The following ADK variants were observed in gnomAD, a reference collection of about 807,000 sequenced individuals.
ADK encodes the protein adenosine kinase.
In ADK, 24 loss-of-function variants were observed where a neutral mutation model predicts 44.7. The ratio of observed to expected loss-of-function variants is 0.54; its 90% confidence interval spans 0.39 to 0.76. ADK has a LOEUF of 0.76. Ranked by LOEUF, ADK falls within the 30% of genes least tolerant of loss-of-function variation. The pLI, the probability that ADK is intolerant of heterozygous loss-of-function variation, is 0.00. For missense variants in ADK, 321 were observed against 425.1 expected, an observed-to-expected ratio of 0.76 and a Z score of 2.15; for synonymous variants, 128 against 142.6, an observed-to-expected ratio of 0.90 and a Z score of 0.73.
chr10:74,292,659 A>G (rs1329328186), intron 3 of ADK, among the ~76,000 whole-genome samples: 2 of 152,016 alleles, frequency 1.3e-5, no homozygotes, highest in Admixed American at 1.3e-4. Flanking sequence ...AAAACCTGAG[A>G]CTCATTCTTG....
rs554643435 is a variant in ADK, at chr10:74,209,617, ATTT to A, written c.140+8790_140+8792del. On this transcript the variant is annotated intron_variant, in intron 2 of 10. Coordinates refer to ENST00000539909, the MANE Select transcript of ADK (RefSeq NM_006721.4). ...TTGATAAAATATTTTTCTGATTCTG[ATTT>A]TTTTTTTTTTAGAGACAAGTTTTTC... 5.0e-3 allele frequency among the ~76,000 whole-genome samples: 734 copies of A among 145,506 alleles called. 6 individuals are homozygous for A. The highest frequency in any genetic ancestry group is 0.016 in the African/African-American group (652 of 39,932).
intron 8 of ADK, among the ~76,000 whole-genome samples, chr10:74,595,472 G>A (rs1288768765): frequency 7.5e-6 from 1 of 133,472 alleles, no homozygotes; most frequent in East Asian, 2.4e-4. Flanking sequence ...CGCCTCCCGG[G>A]TTCACTCCAT....
intron 1 of ADK, among the ~76,000 whole-genome samples, chr10:74,183,311 C>G (rs1471404402): frequency 6.6e-6 from 1 of 152,116 alleles, no homozygotes. Context: ...GTGGCACATG[C>G]CTATAATCTC....
intron 7 of ADK, among the ~76,000 whole-genome samples, chr10:74,571,621 G>C (rs925825409): frequency 3.9e-5 from 6 of 152,142 alleles, no homozygotes; most frequent in African/African-American, 1.4e-4. Flanking sequence ...ATTTCTGTGG[G>C]ATCGGTGGTG....
At chr10:74,276,634 G>A (rs965554637) in intron 3 of ADK, among the ~76,000 whole-genome samples, 3 of 152,216 alleles carry the variant, frequency 2.0e-5, no homozygotes, top group Non-Finnish European at 4.4e-5. Flanking sequence ...CCTTTCTGGA[G>A]GCTCTAGGGG....
At chr10:74,171,796 C>CTCTCTCTG (rs1331173049) in intron 1 of ADK, among the ~76,000 whole-genome samples, 217 of 142,770 alleles carry the variant, frequency 1.5e-3, no homozygotes, top group Admixed American at 3.6e-3. Context: ...CTCTTTCTGT[C>CTCTCTCTG]TCTCTCTGTC....
At chr10:74,606,675 T>C (rs1367745509) in intron 9 of ADK, among the ~76,000 whole-genome samples, 2 of 152,200 alleles carry the variant, frequency 1.3e-5, no homozygotes, top group African/African-American at 4.8e-5. Flanking sequence ...AATTTTAGAA[T>C]AAGCGTGATG....
At chr10:74,314,228 A>G (rs1564648635) in intron 3 of ADK, among the ~76,000 whole-genome samples, 7 of 152,124 alleles carry the variant, frequency 4.6e-5, no homozygotes. Flanking sequence ...GGTAACATTA[A>G]GTGAAATTTT....
intron 10 of ADK, among the ~76,000 whole-genome samples, chr10:74,698,108 G>A (rs959563554): frequency 1.3e-5 from 2 of 152,152 alleles, no homozygotes; most frequent in Non-Finnish European, 2.9e-5. Context: ...ATTTATTGTC[G>A]ATGAGAGATT....
intron 7 of ADK, among the ~76,000 whole-genome samples, chr10:74,588,593 G>A (rs965608590): frequency 6.6e-6 from 1 of 152,106 alleles, no homozygotes; most frequent in Non-Finnish European, 1.5e-5. Context: ...TACTTTATAG[G>A]TGATGGTGTG....
intron 10 of ADK, among the ~76,000 whole-genome samples, chr10:74,671,038 TAAAAAAAA>T (rs10670267): frequency 1.0e-5 from 1 of 99,100 alleles, no homozygotes; most frequent in Non-Finnish European, 1.9e-5. Flanking sequence ...CAGGTTAATT[TAAAAAAAA>T]AAAAAAAAAA....
At chr10:74,638,610 C>G (rs1853708590) in intron 9 of ADK, among the ~76,000 whole-genome samples, 1 of 152,210 alleles carries the variant, frequency 6.6e-6, no homozygotes, top group East Asian at 1.9e-4. Context: ...GAGCTATGAT[C>G]ATACCACTTG....
At chr10:74,468,177 A>G (rs1162904913) in intron 6 of ADK, among the ~76,000 whole-genome samples, 2 of 152,108 alleles carry the variant, frequency 1.3e-5, no homozygotes, top group East Asian at 1.9e-4. Flanking sequence ...AGGTAGATAG[A>G]TGTATAATTT....
At chr10:74,456,264 T>A (rs1845941439) in intron 6 of ADK, among the ~76,000 whole-genome samples, 1 of 152,084 alleles carries the variant, frequency 6.6e-6, no homozygotes, top group South Asian at 2.1e-4. Flanking sequence ...TCGCCCTTAC[T>A]CTAAAATTGA....
intron 4 of ADK, among the ~76,000 whole-genome samples, chr10:74,363,859 T>G (rs1842418552): frequency 6.6e-6 from 1 of 152,168 alleles, no homozygotes; most frequent in South Asian, 2.1e-4. Flanking sequence ...GCCTGTCTCA[T>G]TAGCTCAAAT....
intron 3 of ADK, among the ~76,000 whole-genome samples, chr10:74,227,864 G>T (rs991960528): frequency 3.8e-4 from 58 of 151,792 alleles, no homozygotes; most frequent in African/African-American, 1.3e-3. Context: ...AAAAAAATTA[G>T]CCTGATGAGG....
intron 6 of ADK, among the ~76,000 whole-genome samples, chr10:74,409,371 CT>C (rs1844081396): frequency 6.6e-6 from 1 of 152,034 alleles, no homozygotes; most frequent in Admixed American, 6.5e-5. Context: ...CTTTCAGTAC[CT>C]TGTGACTTAC....
intron 4 of ADK, among the ~76,000 whole-genome samples, chr10:74,383,386 G>GTCTGTC (rs57151626): frequency 0.018 from 2,636 of 150,430 alleles, 20 homozygotes; most frequent in African/African-American, 0.024. Flanking sequence ...TAGTCAGTCT[G>GTCTGTC]TCTGTCTCTG....
At chr10:74,551,807 C>T (rs57913255) in intron 7 of ADK, among the ~76,000 whole-genome samples, 3,744 of 152,178 alleles carry the variant, frequency 0.025, 138 homozygotes, top group African/African-American at 0.074. Flanking sequence ...ACAGTCCTCC[C>T]TTGGTATCTT....
Sources: gnomAD v4.1 joint callset for allele counts (sites outside exome capture counted in the v4.1 genomes callset) on GRCh38, gnomAD v4.1.1 for gene constraint, MANE v1.5 for transcripts, NCBI Gene and HGNC (gene_info 2026-07-23, HGNC 2026-07-21) for gene names.